Variants in SNAPC3 observed in about 807,000 individuals in gnomAD.
SNAPC3 encodes the protein small nuclear RNA activating complex polypeptide 3, also known as snRNA-activating protein complex subunit 3.
Under a neutral mutation model 47.7 loss-of-function variants are expected in SNAPC3, and 56 were observed. The observed-to-expected ratio is 1.18, with a 90% CI of 0.95 to 1.47. SNAPC3 has a LOEUF of 1.47. SNAPC3 is among the 40% of genes most tolerant of loss of function. SNAPC3 has a pLI of 0.00. For missense variants in SNAPC3, 665 were observed against 511.3 expected, an observed-to-expected ratio of 1.30 and a Z score of -2.90; for synonymous variants, 235 against 189.9, an observed-to-expected ratio of 1.24 and a Z score of -1.95.
intron 6 of SNAPC3, among the ~76,000 whole-genome samples, chr9:15,452,033 A>G (rs1002062686): frequency 6.6e-6 from 1 of 151,920 alleles, no homozygotes; most frequent in Admixed American, 6.6e-5. Context: ...GCACGATCTC[A>G]GCTCACTGCA....
Position 15,451,395 on chromosome 9 carries a change from T to G in SNAPC3, c.808T>G (p.Leu270Val). The G allele has an allele frequency of 6.6e-7, 1 of 1,516,248 alleles. No individual in the cohort carries two copies. Among genetic ancestry groups the G allele is most frequent in the Non-Finnish European group, 9.0e-7 (1 of 1,106,184 alleles). The allele number at this position is 1,516,248 out of a possible 1,614,324, so 93.9% of individuals were successfully genotyped here. A position where few individuals can be genotyped will look rare whatever the true frequency, so the allele number is the denominator to read the frequency against. Residue 270 changes from leucine to valine, a missense_variant, in exon 6 of 9, where the codon TTG (leucine) becomes GTG (valine). Coordinates refer to ENST00000380821, the MANE Select transcript of SNAPC3 (RefSeq NM_001039697.2). ...NDKRYPECRD[L>V]SRTIIEWSES... ...TAAAAGATACCCAGAATGCAGAGAT[T>G]TGAGCAGGTATAGTTTCCAAAAATC... is the stretch of plus-strand genomic sequence containing the variant.
At chr9:15,452,955 T>TG in intron 6 of SNAPC3, 86 bp from the exon 7 acceptor site, 1 of 1,113,934 alleles carries the variant, frequency 9.0e-7, no homozygotes, top group Non-Finnish European at 1.3e-6. Flanking sequence ...GCTAGGTTAA[T>TG]GTGAATTACT....
intron 3 of SNAPC3, among the ~76,000 whole-genome samples, chr9:15,437,786 T>G (rs2032970671): frequency 6.6e-6 from 1 of 152,228 alleles, no homozygotes; most frequent in Admixed American, 6.5e-5. Flanking sequence ...TTATCATAAC[T>G]GAATGACATT....
At chr9:15,423,299 C>T in intron 1 of SNAPC3, 106 bp downstream of exon 1, 3 of 1,189,376 alleles carry the variant, frequency 2.5e-6, no homozygotes, top group African/African-American at 1.6e-5. Flanking sequence ...GTGGTTTAGA[C>T]CTGGGCTAGG....
intron 2 of SNAPC3, among the ~76,000 whole-genome samples, chr9:15,425,440 A>C (rs1028731043): frequency 6.6e-6 from 1 of 151,650 alleles, no homozygotes; most frequent in East Asian, 1.9e-4. Context: ...GCTGGTTTCA[A>C]CTCCTGACCT....
chr9:15,461,781 T>G (rs2035240156), downstream of SNAPC3: 1 of 152,174 alleles, frequency 6.6e-6, no homozygotes, highest in South Asian at 2.1e-4. Flanking sequence ...TCCATTGGCT[T>G]GGAGATGACA....
In SNAPC3 at chr9:15,461,343, G is replaced by C. The variant is rs933176054; in HGVS notation, c.*1477G>C. ...TGGCGGGCTAATTTTTTTATTTCTTGTAGATACAGGGTTTCACTATGTTGC... is the reference window on the plus strand; with the variant it reads ...TGGCGGGCTAATTTTTTTATTTCTTCTAGATACAGGGTTTCACTATGTTGC... On this transcript the variant is annotated 3_prime_UTR_variant, in exon 9 of 9. Coordinates refer to ENST00000380821, the MANE Select transcript of SNAPC3 (RefSeq NM_001039697.2). 4 of 152,070 alleles carry C rather than the reference G, an allele frequency of 2.6e-5. No homozygotes were observed. The highest frequency in any genetic ancestry group is 1.3e-4 in the Admixed American group (2 of 15,266). 9.4% of individuals were successfully genotyped at this position (152,070 alleles called of 1,614,324 possible). A position where few individuals can be genotyped will look rare whatever the true frequency, so the allele number is the denominator to read the frequency against.
intron 3 of SNAPC3, among the ~76,000 whole-genome samples, chr9:15,435,844 C>CT (rs57744583): frequency 0.1 from 12,352 of 123,560 alleles, 1,338 homozygotes; most frequent in African/African-American, 0.24. Flanking sequence ...ACTTTTCTTT[C>CT]TTTTTTTTTT....
chr9:15,429,138 C>T (rs1013478472), intron 2 of SNAPC3, among the ~76,000 whole-genome samples: 2 of 151,984 alleles, frequency 1.3e-5, no homozygotes, highest in Admixed American at 6.6e-5. Flanking sequence ...GGCAAACTTA[C>T]AAAAAGCATC....
chr9:15,445,794 C>A (rs1349124964), intron 4 of SNAPC3, among the ~76,000 whole-genome samples: 1 of 152,052 alleles, frequency 6.6e-6, no homozygotes. Flanking sequence ...ACAAAAAATA[C>A]AAAAACTAGC....
chr9:15,464,443 A>G (rs1310461740), downstream of SNAPC3: 1 of 199,068 alleles, frequency 5.0e-6, no homozygotes, highest in Admixed American at 6.0e-5. Context: ...ATACCCTTAA[A>G]TTTTGTAACA....
intron 3 of SNAPC3, among the ~76,000 whole-genome samples, chr9:15,438,306 T>C (rs369914162): frequency 3.9e-5 from 6 of 152,292 alleles, no homozygotes; most frequent in African/African-American, 1.4e-4. Context: ...CTTTTTTTCC[T>C]GTAAAATCAG....
downstream of SNAPC3, chr9:15,462,939 T>A (rs1285442396): frequency 6.6e-6 from 1 of 152,182 alleles, no homozygotes; most frequent in Non-Finnish European, 1.5e-5. Flanking sequence ...AAATCTCTGC[T>A]CTTATACAGG....
intron 5 of SNAPC3, among the ~76,000 whole-genome samples, chr9:15,448,624 G>C (rs1400034508): frequency 6.6e-6 from 1 of 152,160 alleles, no homozygotes; most frequent in Non-Finnish European, 1.5e-5. Flanking sequence ...CGTTTTTGGT[G>C]ACTAGTGTGG....
chr9:15,442,425 C>T (rs2033526044), intron 3 of SNAPC3, among the ~76,000 whole-genome samples: 1 of 149,262 alleles, frequency 6.7e-6, no homozygotes, highest in African/African-American at 2.5e-5. Context: ...GGGGCGGCTG[C>T]CGGGCGGAGG....
At chr9:15,449,555 ATATATATATTTTTTTTT>A (rs1244542263) in intron 5 of SNAPC3, among the ~76,000 whole-genome samples, 6 of 38,662 alleles carry the variant, frequency 1.6e-4, no homozygotes, top group African/African-American at 6.5e-4. Context: ...ATATATATAT[ATATATATATTTTTTTTT>A]TTTTTTTTTT....
Position 15,431,093 on chromosome 9 carries a change from C to T in SNAPC3, c.393-2459C>T, listed in dbSNP as rs533234190. Among the ~76,000 whole-genome samples the T allele has an allele frequency of 8.5e-5, 13 of 152,298 alleles. No homozygotes were observed. In the South Asian group the frequency reaches 2.5e-3, roughly 29 times the overall value. ...ATCTGATGTGCTGGCTCAGCAGGAT[C>T]CTGCAGTGCACACAGCTTCCCCAGT... On this transcript the variant is annotated intron_variant, in intron 2 of 8. Coordinates refer to ENST00000380821, the MANE Select transcript of SNAPC3 (RefSeq NM_001039697.2).
chr9:15,428,894 G>C (rs2031791223), intron 2 of SNAPC3, among the ~76,000 whole-genome samples: 1 of 151,994 alleles, frequency 6.6e-6, no homozygotes, highest in African/African-American at 2.4e-5. Flanking sequence ...CATATTATCA[G>C]AGTCCCTGAA....
At chr9:15,459,272 T>TAATA (rs1267930627) in intron 8 of SNAPC3, among the ~76,000 whole-genome samples, 1 of 152,212 alleles carries the variant, frequency 6.6e-6, no homozygotes, top group Admixed American at 6.5e-5. Context: ...AAGAGTTATA[T>TAATA]AGTTTTCAAA....
Sources: gnomAD v4.1 joint callset for allele counts (sites outside exome capture counted in the v4.1 genomes callset) on GRCh38, gnomAD v4.1.1 for gene constraint, MANE v1.5 for transcripts, NCBI Gene and HGNC (gene_info 2026-07-23, HGNC 2026-07-21) for gene names.